Variants in ACBD6 observed in about 807,000 individuals in gnomAD.
ACBD6 encodes acyl-CoA binding domain containing 6.
ACBD6 carries 28 observed loss-of-function variants against 37.2 expected under a neutral mutation model. That is an observed-to-expected ratio of 0.75 (90% CI 0.56 to 1.03). ACBD6 has a LOEUF of 1.03. Among genes scored for constraint, ACBD6 ranks in the 50% least tolerant of loss-of-function variants. ACBD6 has a pLI of 0.00. For synonymous variants in ACBD6, 113 were observed against 126.8 expected, an observed-to-expected ratio of 0.89 and a Z score of 0.73; for missense variants, 340 against 337.4, an observed-to-expected ratio of 1.01 and a Z score of -0.06.
Position 180,407,897 on chromosome 1 carries a change from C to A in ACBD6, c.573+5469G>T, listed in dbSNP as rs1457398077. 2.0e-5 allele frequency among the ~76,000 whole-genome samples: 3 copies of A among 152,090 alleles called. No homozygotes were observed. In the East Asian group the frequency reaches 5.8e-4, roughly 29 times the overall value. Reference sequence around the variant, plus strand: ...CCATATAGTACACACAAGATACTTCCAGTGAAAAAACTGTGACTTTGAAAA... The same window carrying A: ...CCATATAGTACACACAAGATACTTCAAGTGAAAAAACTGTGACTTTGAAAA... On this transcript the variant is annotated intron_variant, in intron 5 of 7. Transcript: ENST00000367595.
At chr1:180,477,202 G>C (rs931032554) in intron 3 of ACBD6, among the ~76,000 whole-genome samples, 2 of 152,182 alleles carry the variant, frequency 1.3e-5, no homozygotes, top group East Asian at 3.9e-4. Flanking sequence ...TTATCAATTG[G>C]TTACTTCTGG....
At chr1:180,463,569 T>C (rs1002477539) in intron 3 of ACBD6, among the ~76,000 whole-genome samples, 2 of 151,850 alleles carry the variant, frequency 1.3e-5, no homozygotes, top group African/African-American at 2.4e-5. Context: ...ATAAGTAGTC[T>C]ACCAATCAAA....
intron 3 of ACBD6, among the ~76,000 whole-genome samples, chr1:180,438,111 T>G (rs1649126002): frequency 6.6e-6 from 1 of 152,198 alleles, no homozygotes. Context: ...CTGTGAAGAC[T>G]ATTGTGAACT....
chr1:180,490,114 G>C (rs1170869243), intron 3 of ACBD6, among the ~76,000 whole-genome samples: 1 of 152,160 alleles, frequency 6.6e-6, no homozygotes, highest in Non-Finnish European at 1.5e-5. Flanking sequence ...GGAAGGATGA[G>C]AACACAGTGA....
rs1428308016 is a variant in ACBD6, at chr1:180,293,511, T to C, written c.695-4994A>G. On this transcript the variant is annotated intron_variant, in intron 7 of 7. Transcript: ENST00000367595. ...TTAGTAGAGACGGGGTTTTGCCACA[T>C]TGGCCAGGCTAGTCTCAAACTCCTG... 3.3e-5 allele frequency among the ~76,000 whole-genome samples: 5 copies of C among 152,262 alleles called. No individual in the cohort carries two copies. In the East Asian group the frequency reaches 9.7e-4, roughly 29 times the overall value.
chr1:180,292,757 T>C (rs112227576), intron 7 of ACBD6, among the ~76,000 whole-genome samples: 1,640 of 152,336 alleles, frequency 0.011, 16 homozygotes, highest in Admixed American at 0.018. Flanking sequence ...GAACTTTTAA[T>C]ACAATGTTGG....
At chr1:180,292,120 C>T (rs1649730833) in intron 7 of ACBD6, among the ~76,000 whole-genome samples, 1 of 152,114 alleles carries the variant, frequency 6.6e-6, no homozygotes. Flanking sequence ...GGGCCTCCAA[C>T]TTTATTCTTT....
At chr1:180,332,530 T>C (rs1214046759) in intron 6 of ACBD6, among the ~76,000 whole-genome samples, 1 of 152,044 alleles carries the variant, frequency 6.6e-6, no homozygotes, top group Admixed American at 6.6e-5. Flanking sequence ...CCAACCCTTA[T>C]TGTGAACTGC....
chr1:180,281,478 G>A (rs1451602037), intron 8 of ACBD6: 3 of 152,178 alleles, frequency 2.0e-5, no homozygotes, highest in Non-Finnish European at 4.4e-5. Context: ...ATCTTGAGAG[G>A]TGATCCTCAA....
At chr1:180,290,388 G>C (rs1366964123) in intron 7 of ACBD6, among the ~76,000 whole-genome samples, 1 of 152,120 alleles carries the variant, frequency 6.6e-6, no homozygotes, top group African/African-American at 2.4e-5. Flanking sequence ...TGTTGCCCAG[G>C]CTGGTCTCAA....
chr1:180,306,103 TGGGGGGA>T (rs1200284648), intron 7 of ACBD6, among the ~76,000 whole-genome samples: 1 of 60,104 alleles, frequency 1.7e-5, no homozygotes, highest in Non-Finnish European at 3.0e-5. Flanking sequence ...TGTTGTGGGG[TGGGGGGA>T]GGGGGGAGGG....
At chr1:180,428,844 A>T (rs1346602930) in intron 4 of ACBD6, among the ~76,000 whole-genome samples, 1 of 152,210 alleles carries the variant, frequency 6.6e-6, no homozygotes, top group Admixed American at 6.5e-5. Flanking sequence ...AGGAAAGAAA[A>T]ATAGCCTATA....
chr1:180,383,574 C>G (rs1653739269), intron 6 of ACBD6, among the ~76,000 whole-genome samples: 1 of 152,074 alleles, frequency 6.6e-6, no homozygotes, highest in African/African-American at 2.4e-5. Flanking sequence ...TAGAAGAATA[C>G]TGTTTAAATG....
chr1:180,391,560 A>G (rs1157159164), intron 6 of ACBD6, among the ~76,000 whole-genome samples: 1 of 152,218 alleles, frequency 6.6e-6, no homozygotes, highest in Non-Finnish European at 1.5e-5. Context: ...GATGCTCAAT[A>G]TCATTAACCA....
intron 6 of ACBD6, among the ~76,000 whole-genome samples, chr1:180,335,241 AT>A (rs1651654520): frequency 6.6e-6 from 1 of 152,210 alleles, no homozygotes; most frequent in African/African-American, 2.4e-5. Flanking sequence ...GAAGGAAAAA[AT>A]GTTAAGGGCG....
rs141970191 is a variant in ACBD6, at chr1:180,472,624, T to C, written c.384+19645A>G. ...AATCATAGTCCAATAATACAGTAAT[T>C]GAACTGGATGATTTCATGTTACACT... On this transcript the variant is annotated intron_variant, in intron 3 of 7. Transcript: ENST00000367595. Among the ~76,000 whole-genome samples the C allele has an allele frequency of 2.1e-3, 316 of 152,270 alleles. 1 individual carries two copies. The highest frequency in any genetic ancestry group is 6.9e-3 in the African/African-American group (285 of 41,554).
intron 6 of ACBD6, among the ~76,000 whole-genome samples, chr1:180,379,786 C>A (rs1023138390): frequency 6.6e-6 from 1 of 152,026 alleles, no homozygotes; most frequent in African/African-American, 2.4e-5. Context: ...ACCAAATAGG[C>A]AAAGTATTGG....
intron 6 of ACBD6, among the ~76,000 whole-genome samples, chr1:180,388,155 G>A: frequency 7.0e-6 from 1 of 143,112 alleles, no homozygotes; most frequent in East Asian, 2.0e-4. Context: ...CAGCCTGGGT[G>A]ACAGAGCGAG....
chr1:180,496,093 A>G (rs1651728813), intron 1 of ACBD6, among the ~76,000 whole-genome samples: 1 of 152,164 alleles, frequency 6.6e-6, no homozygotes. Flanking sequence ...CAAAAATACA[A>G]TTCCGTTTTT....
Sources: allele counts gnomAD v4.1 joint callset (sites outside exome capture counted in the v4.1 genomes callset), GRCh38; gene constraint gnomAD v4.1.1; transcripts MANE v1.5; gene names NCBI Gene and HGNC (gene_info 2026-07-23, HGNC 2026-07-21).